Variants in TMEM131 observed in about 807,000 individuals in gnomAD.
TMEM131 encodes 2610524E03Rik.
Under a neutral mutation model 211.6 loss-of-function variants are expected in TMEM131, and 66 were observed. The ratio of observed to expected loss-of-function variants is 0.31; its 90% confidence interval spans 0.26 to 0.38. TMEM131 has a LOEUF of 0.38. Ranked by LOEUF, TMEM131 falls within the 10% of genes least tolerant of loss-of-function variation. The pLI is 1.00. For synonymous variants in TMEM131, 844 were observed against 841.3 expected (o/e 1.00, Z -0.06); for missense variants, 2,036 against 2,299.3 (o/e 0.89, Z 2.34).
Position 97,814,273 on chromosome 2 carries a change from C to T in TMEM131, c.1408G>A (p.Asp470Asn), listed in dbSNP as rs758541474. 9.3e-6 allele frequency: 15 copies of T among 1,613,610 alleles called. No homozygotes were observed. The highest frequency in any genetic ancestry group is 4.0e-5 in the African/African-American group (3 of 74,860). The change falls in exon 14 of 41, where the codon GAT becomes AAT. Residue 470 changes from aspartate to asparagine, a missense_variant. This residue lies in a region of TMEM131 where 1,623 missense variants were observed against 1,805.9 expected (regional missense o/e 0.90). Coordinates refer to ENST00000186436, the MANE Select transcript of TMEM131 (RefSeq NM_015348.2). The stretch of plus-strand genomic sequence containing the variant: ...TTGGCTTCTTCTGGTAGCAACACAT[C>T]GTGAATGAGGATCGCAAAACTGAAA... ...NTFSFAILIH[D>N]VLLPEEAKTM...
intron 1 of TMEM131, among the ~76,000 whole-genome samples, chr2:97,952,922 T>C (rs549268267): frequency 7.9e-5 from 12 of 152,092 alleles, no homozygotes; most frequent in African/African-American, 2.4e-4. Flanking sequence ...AACAGAAAAC[T>C]GTTAATTATG....
intron 7 of TMEM131, among the ~76,000 whole-genome samples, chr2:97,841,200 A>C (rs1379249792): frequency 6.6e-6 from 1 of 152,198 alleles, no homozygotes; most frequent in African/African-American, 2.4e-5. Flanking sequence ...CTAGGATGTA[A>C]GGTAGAGATT....
Position 97,793,525 on chromosome 2 carries a change from C to T in TMEM131, c.3415G>A (p.Ala1139Thr), listed in dbSNP as rs779811562. 6.2e-7 allele frequency: 1 copy of T among 1,613,570 alleles called. No individual in the cohort carries two copies. Among genetic ancestry groups the T allele is most frequent in the Non-Finnish European group, 8.5e-7 (1 of 1,179,680 alleles). Reference sequence around the variant, plus strand: ...CATATTCCTTGAGCTTCCAAATAGGCTGTTCCAATGACCAAAAGAAACAGT... The same window carrying T: ...CATATTCCTTGAGCTTCCAAATAGGTTGTTCCAATGACCAAAAGAAACAGT... ...SALFLLVIGT[A>T]YLEAQGIWEP... is the part of the protein sequence containing the mutation. The change falls in exon 30 of 41, where the codon GCC (alanine) becomes ACC (threonine). Residue 1139 changes from alanine (A) to threonine (T), a missense_variant. Around this residue, in one of 3 missense-constraint regions of TMEM131, gnomAD observed 1,623 missense variants for 1,805.9 expected, o/e 0.90. Transcript: ENST00000186436.
At chr2:97,892,553 G>A (rs10167772) in intron 3 of TMEM131, among the ~76,000 whole-genome samples, 52,446 of 151,956 alleles carry the variant, frequency 0.35, 9,958 homozygotes, top group Middle Eastern at 0.49. Flanking sequence ...TGTAGATACA[G>A]GGTGTCACTA....
intron 5 of TMEM131, among the ~76,000 whole-genome samples, chr2:97,853,333 G>A (rs1673701030): frequency 6.6e-6 from 1 of 150,800 alleles, no homozygotes; most frequent in Admixed American, 6.6e-5. Context: ...AGTGGCTCAA[G>A]TCTGTAATCC....
intron 4 of TMEM131, among the ~76,000 whole-genome samples, chr2:97,868,906 A>C (rs1460802723): frequency 6.6e-6 from 1 of 152,156 alleles, no homozygotes; most frequent in Admixed American, 6.5e-5. Context: ...ACCATGAAAC[A>C]ATTAGGGAAA....
intron 1 of TMEM131, among the ~76,000 whole-genome samples, chr2:97,951,730 C>T (rs1397258672): frequency 1.3e-5 from 2 of 152,190 alleles, no homozygotes; most frequent in Non-Finnish European, 2.9e-5. Context: ...ACCGCCCCAA[C>T]ACACATGCAT....
chr2:97,919,893 T>C (rs1676670884), intron 2 of TMEM131, among the ~76,000 whole-genome samples: 1 of 152,202 alleles, frequency 6.6e-6, no homozygotes, highest in Admixed American at 6.5e-5. Context: ...CAATATTTTT[T>C]CTATGAACAG....
intron 12 of TMEM131, among the ~76,000 whole-genome samples, chr2:97,815,942 C>T (rs982752343): frequency 6.6e-6 from 1 of 152,184 alleles, no homozygotes; most frequent in African/African-American, 2.4e-5. Context: ...CAAAAACCAG[C>T]CAACCCTAAA....
intron 5 of TMEM131, among the ~76,000 whole-genome samples, chr2:97,846,052 A>G (rs912345912): frequency 1.3e-5 from 2 of 152,248 alleles, no homozygotes; most frequent in African/African-American, 4.8e-5. Flanking sequence ...TCGTGCACAC[A>G]GTTAAAATTT....
Position 97,955,238 on chromosome 2 carries a change from T to C in TMEM131, c.188-27751A>G, listed in dbSNP as rs185130646. Among the ~76,000 whole-genome samples the C allele has an allele frequency of 5.6e-3, 859 of 152,252 alleles. 13 individuals are homozygous for C. Among genetic ancestry groups the C allele is most frequent in the Non-Finnish European group, 5.4e-3 (364 of 68,024 alleles). On this transcript the variant is annotated intron_variant, in intron 1 of 40. Coordinates refer to ENST00000186436, the MANE Select transcript of TMEM131 (RefSeq NM_015348.2). ...TAACAAAATCATATGATCATGTCAA[T>C]TGATGCAAAAAAAATCATTTGACAA...
chr2:97,756,865 G>A lies in TMEM131; in HGVS notation c.*234C>T. 1 of 429,712 alleles carries A rather than the reference G, an allele frequency of 2.3e-6. No homozygotes were observed. Among genetic ancestry groups the A allele is most frequent in the Admixed American group, 4.1e-5 (1 of 24,498 alleles). The allele number at this position is 429,712 out of a possible 1,614,324, so 26.6% of individuals were successfully genotyped here. A position where few individuals can be genotyped will look rare whatever the true frequency, so the allele number is the denominator to read the frequency against. On this transcript the variant is annotated 3_prime_UTR_variant, in exon 41 of 41. Coordinates refer to ENST00000186436, the MANE Select transcript of TMEM131 (RefSeq NM_015348.2). ...AGATGTACAGGTCTTATTAGAGTTT[G>A]TGGCTGAGTCCAGACTTTTCTCTAA...
chr2:97,933,180 G>A (rs1483259513), intron 1 of TMEM131, among the ~76,000 whole-genome samples: 5 of 152,170 alleles, frequency 3.3e-5, no homozygotes, highest in Middle Eastern at 3.2e-3. Flanking sequence ...TGTTTTCCAC[G>A]TTGAGTGATG....
intron 4 of TMEM131, among the ~76,000 whole-genome samples, chr2:97,871,498 A>G (rs954526817): frequency 6.6e-6 from 1 of 152,168 alleles, no homozygotes; most frequent in Admixed American, 6.5e-5. Flanking sequence ...AAATTTCCCA[A>G]TCACTCCTGT....
chr2:97,833,342 G>T, intron 11 of TMEM131, 23 bp downstream of exon 11: 1 of 1,058,528 alleles, frequency 9.4e-7, no homozygotes, highest in Non-Finnish European at 1.4e-6. Flanking sequence ...ATAAATTAGG[G>T]GAAAAAAGAA....
intron 4 of TMEM131, among the ~76,000 whole-genome samples, chr2:97,873,655 G>T (rs573686094): frequency 6.6e-6 from 1 of 152,220 alleles, no homozygotes; most frequent in African/African-American, 2.4e-5. Context: ...AGCAGCAGAG[G>T]AGCCTGTCAG....
In TMEM131 at chr2:97,812,714, G is replaced by T; in HGVS notation, c.1653C>A (p.Phe551Leu). ...TAGCACTCAGTACTCCAAAATCTATGAAACGTTCCTCTATTTTGGGGGGCA... is the reference window on the plus strand; with the variant it reads ...TAGCACTCAGTACTCCAAAATCTATTAAACGTTCCTCTATTTTGGGGGGCA... ...FVLPPKIEER[F>L]IDFGVLSATE... Residue 551 changes from phenylalanine (F) to leucine (L), a missense_variant, in exon 16 of 41, where the codon TTC (phenylalanine) becomes TTA (leucine). Phe to Leu is a conservative substitution (Grantham distance 22). Around this residue, in one of 3 missense-constraint regions of TMEM131, gnomAD observed 1,623 missense variants for 1,805.9 expected, o/e 0.90. Transcript: ENST00000186436. 6.3e-7 allele frequency: 1 copy of T among 1,592,176 alleles called. No homozygotes were observed. Among genetic ancestry groups the T allele is most frequent in the Non-Finnish European group, 8.5e-7 (1 of 1,173,568 alleles).
intron 1 of TMEM131, among the ~76,000 whole-genome samples, chr2:97,974,552 T>C (rs1679447165): frequency 6.7e-6 from 1 of 149,516 alleles, no homozygotes; most frequent in Admixed American, 6.6e-5. Context: ...CAAGAGATAA[T>C]CAAATTATTT....
chr2:97,896,963 G>A lies in TMEM131; in HGVS notation c.291-8843C>T, dbSNP rs1484106724. Among the ~76,000 whole-genome samples, 3 of 151,554 alleles carry A rather than the reference G, an allele frequency of 2.0e-5. No individual in the cohort carries two copies. In the East Asian group the frequency reaches 5.8e-4, roughly 29 times the overall value. On this transcript the variant is annotated intron_variant, in intron 3 of 40. Transcript: ENST00000186436. ...TCATCTTCACAGTCTTCTAATCCAT[G>A]AACGCGGAATCTTTCTCAATATATC...
Sources: gnomAD v4.1 joint callset for allele counts (sites outside exome capture counted in the v4.1 genomes callset) on GRCh38, gnomAD v4.1.1 for gene constraint, gnomAD v4.1.1 regional missense constraint, MANE v1.5 for transcripts, NCBI Gene and HGNC (gene_info 2026-07-23, HGNC 2026-07-21) for gene names.